RNF212B: variants seen among roughly 807,000 people sequenced by gnomAD.
RNF212B encodes E3 ubiquitin-protein ligase RNF212B.
A neutral mutation model predicts 55.5 loss-of-function variants in RNF212B; 52 were observed. The ratio of observed to expected loss-of-function variants is 0.94; its 90% CI spans 0.75 to 1.18. The LOEUF is 1.18. Among genes scored for constraint, RNF212B ranks in the 50% most tolerant of loss-of-function variants. The pLI is 0.00. For missense variants in RNF212B, 289 were observed against 350.4 expected (o/e 0.82, Z 1.40); for synonymous variants, 99 against 121.4 (o/e 0.82, Z 1.21).
intron 1 of RNF212B, among the ~76,000 whole-genome samples, chr14:23,188,894 A>G (rs775630653): frequency 6.6e-6 from 1 of 152,224 alleles, no homozygotes; most frequent in African/African-American, 2.4e-5. Context: ...GAATGAATTA[A>G]TGTATAAATA....
In RNF212B at chr14:23,266,674, G is replaced by A. The variant is rs373706075; in HGVS notation, c.634+2003G>A. Among the ~76,000 whole-genome samples, 4 of 151,930 alleles carry A rather than the reference G, an allele frequency of 2.6e-5. No individual in the cohort carries two copies. The East Asian group carries it at 7.7e-4, about 29-fold the overall frequency. ...GATCTGCCTGCCTCATCCTCCCAAA[G>A]TGCTGAGATTACAGGCGTGAGCCAC... On this transcript the variant is annotated intron_variant, in intron 11 of 14. Transcript: ENST00000430154.
chr14:23,242,960 T>C (rs1023516048), intron 2 of RNF212B, among the ~76,000 whole-genome samples: 2 of 151,556 alleles, frequency 1.3e-5, no homozygotes, highest in Non-Finnish European at 2.9e-5. Context: ...GCCTGGGTGA[T>C]AGAGTGAGAC....
At chr14:23,227,002 G>C (rs1043977294) in intron 2 of RNF212B, among the ~76,000 whole-genome samples, 1 of 151,804 alleles carries the variant, frequency 6.6e-6, no homozygotes, top group Non-Finnish European at 1.5e-5. Flanking sequence ...TGATAAAATT[G>C]TGAACACACA....
chr14:23,185,345 C>G (rs778167905), exon 1 of RNF212B: 6 of 152,004 alleles, frequency 3.9e-5, no homozygotes, highest in Non-Finnish European at 4.4e-5. Flanking sequence ...GAAAAAATGT[C>G]GAATTTGCCT....
At chr14:23,200,000 A>G (rs1879124691) in intron 2 of RNF212B, among the ~76,000 whole-genome samples, 1 of 151,778 alleles carries the variant, frequency 6.6e-6, no homozygotes, top group African/African-American at 2.4e-5. Flanking sequence ...CCCAAACTGT[A>G]GAACATAATA....
At position 23,268,977 on chromosome 14, in the gene RNF212B, T is replaced by C. The variant is rs557796337; in HGVS notation, c.674+14T>C. ...CCTATCTTATAGGTCAGTAACACTA[T>C]GCTTCCTTTTTCTTGGGATGTGTTC... On this transcript the variant is annotated intron_variant, in intron 12 of 14. Transcript: ENST00000430154. 3.2e-6 allele frequency: 5 copies of C among 1,547,188 alleles called. No homozygotes were observed. In the South Asian group the frequency reaches 3.6e-5, roughly 11 times the overall value.
chr14:23,204,845 C>A (rs114409404), intron 2 of RNF212B, among the ~76,000 whole-genome samples: 3,726 of 152,192 alleles, frequency 0.024, 153 homozygotes, highest in African/African-American at 0.085. Context: ...TTCTACCCAT[C>A]CATGAGCATG....
intron 2 of RNF212B, among the ~76,000 whole-genome samples, chr14:23,225,211 T>G (rs773418595): frequency 6.6e-6 from 1 of 152,202 alleles, no homozygotes; most frequent in Non-Finnish European, 1.5e-5. Context: ...TTGGTGGGAA[T>G]GTAAATTAGT....
chr14:23,258,679 A>G lies in RNF212B; in HGVS notation c.344+15A>G. The G allele has an allele frequency of 8.2e-7, 1 of 1,223,232 alleles. No homozygotes were observed. Among genetic ancestry groups the G allele is most frequent in the Non-Finnish European group, 1.1e-6 (1 of 888,358 alleles). The allele number at this position is 1,223,232 out of a possible 1,614,324, so 75.8% of individuals were successfully genotyped here. A position where few individuals can be genotyped will look rare whatever the true frequency, so the allele number is the denominator to read the frequency against. On this transcript the variant is annotated intron_variant, in intron 5 of 14. Transcript: ENST00000430154. Reference sequence around the variant, plus strand: ...AGCCAGGACAAGTAAGTAACAAATCAAGTCCCAAGAGAGCTTTTTTTTTTT... The same window carrying G: ...AGCCAGGACAAGTAAGTAACAAATCGAGTCCCAAGAGAGCTTTTTTTTTTT...
chr14:23,260,835 C>T, intron 7 of RNF212B, 148 bp downstream of exon 7: 1 of 727,816 alleles, frequency 1.4e-6, no homozygotes. Flanking sequence ...CTGAAAGTGC[C>T]GAAGTAAAAT....
intron 7 of RNF212B, among the ~76,000 whole-genome samples, chr14:23,260,890 A>C (rs1447804699): frequency 6.6e-6 from 1 of 152,252 alleles, no homozygotes; most frequent in Non-Finnish European, 1.5e-5. Flanking sequence ...ATGAAATCCT[A>C]GTGTTTGAAA....
At position 23,259,872 on chromosome 14, in the gene RNF212B, T is replaced by C; in HGVS notation, c.345-12T>C. The C allele has an allele frequency of 6.7e-7, 1 of 1,487,664 alleles. No homozygotes were observed. Among genetic ancestry groups the C allele is most frequent in the Non-Finnish European group, 9.0e-7 (1 of 1,112,778 alleles). The allele number at this position is 1,487,664 out of a possible 1,614,324, so 92.2% of individuals were successfully genotyped here. A position where few individuals can be genotyped will look rare whatever the true frequency, so the allele number is the denominator to read the frequency against. Reference sequence around the variant, plus strand: ...GATTTGCTGGAGCTGATTGTTTCCATCTTTTGCCTAGAGAATTGTCAGTCT... The same window carrying C: ...GATTTGCTGGAGCTGATTGTTTCCACCTTTTGCCTAGAGAATTGTCAGTCT... On this transcript the variant is annotated splice_polypyrimidine_tract_variant and intron_variant, in intron 5 of 14. Transcript: ENST00000430154.
chr14:23,215,365 C>T (rs1227385561), intron 2 of RNF212B, among the ~76,000 whole-genome samples: 1 of 152,136 alleles, frequency 6.6e-6, no homozygotes, highest in Non-Finnish European at 1.5e-5. Flanking sequence ...ATACAGTTTC[C>T]TATGGAGAAA....
intron 2 of RNF212B, among the ~76,000 whole-genome samples, chr14:23,208,489 A>G (rs570721831): frequency 1.3e-5 from 2 of 152,190 alleles, no homozygotes; most frequent in African/African-American, 2.4e-5. Flanking sequence ...GTGAGATCCT[A>G]TCTCTAAAAA....
At position 23,208,464 on chromosome 14, in the gene RNF212B, A is replaced by C. The variant is rs551525144; in HGVS notation, c.-2+15063A>C. Among the ~76,000 whole-genome samples the C allele has an allele frequency of 2.0e-5, 3 of 152,304 alleles. No individual in the cohort carries two copies. In the East Asian group the frequency reaches 5.8e-4, roughly 29 times the overall value. On this transcript the variant is annotated intron_variant, in intron 2 of 15. Coordinates refer to the RNF212B transcript ENST00000399910. ...ATGAGCTATGATCACACTGCACTCTAGAATGGGTGACAGAGTGAGATCCTA... is the reference window on the plus strand; with the variant it reads ...ATGAGCTATGATCACACTGCACTCTCGAATGGGTGACAGAGTGAGATCCTA...
chr14:23,246,169 C>T (rs1883966149), intron 4 of RNF212B, among the ~76,000 whole-genome samples: 1 of 147,278 alleles, frequency 6.8e-6, no homozygotes, highest in Non-Finnish European at 1.5e-5. Context: ...TTGCTTTTGT[C>T]TGTCACCCAG....
At chr14:23,193,420 G>C (rs1461429194) in intron 2 of RNF212B, 1 of 152,170 alleles carries the variant, frequency 6.6e-6, no homozygotes, top group Non-Finnish European at 1.5e-5. Flanking sequence ...ACTAGAGACA[G>C]TCAAAGAGAA....
chr14:23,232,631 C>T (rs1004942872), intron 2 of RNF212B, among the ~76,000 whole-genome samples: 10 of 149,962 alleles, frequency 6.7e-5, no homozygotes, highest in Non-Finnish European at 8.9e-5. Flanking sequence ...CCTCCCCGTC[C>T]GGGAGGGAGT....
At chr14:23,259,297 T>A (rs2140470199) in intron 5 of RNF212B, among the ~76,000 whole-genome samples, 1 of 148,494 alleles carries the variant, frequency 6.7e-6, no homozygotes, top group South Asian at 2.3e-4. Context: ...CAAGCAATCC[T>A]CCCACCTCAG....
Sources: gnomAD v4.1 joint callset for allele counts (sites outside exome capture counted in the v4.1 genomes callset) on GRCh38, gnomAD v4.1.1 for gene constraint, MANE v1.5 for transcripts, NCBI Gene and HGNC (gene_info 2026-07-23, HGNC 2026-07-21) for gene names.